GAN: variants seen among roughly 807,000 people sequenced by gnomAD.
GAN encodes epididymis secretory sperm binding protein.
In GAN, 48 loss-of-function variants were observed where a neutral mutation model predicts 71.3. That is an observed-to-expected ratio of 0.67 (90% CI 0.53 to 0.86). GAN has a LOEUF of 0.86. GAN is among the 40% of genes least tolerant of loss of function. The pLI is 0.00. For synonymous variants in GAN, 386 were observed against 276.8 expected (o/e 1.39, Z -3.92); for missense variants, 928 against 770.1 (o/e 1.21, Z -2.43).
In GAN at chr16:81,354,655, T is replaced by G; in HGVS notation, c.533T>G (p.Leu178Arg). ...TTCTTAGAGCTGAGTCCTCAAAAGC[T>G]TAAAGAAGTGATTTCTCTTGAGAAG... ...EEFLELSPQK[L>R]KEVISLEKLN... Residue 178 changes from leucine (L) to arginine (R), a missense_variant, in exon 3 of 11, where the codon CTT becomes CGT. Coordinates refer to ENST00000648994, the MANE Select transcript of GAN (RefSeq NM_022041.4). 4 of 1,613,762 alleles carry G rather than the reference T, an allele frequency of 2.5e-6. No individual in the cohort carries two copies. Among genetic ancestry groups the G allele is most frequent in the Non-Finnish European group, 1.7e-6 (2 of 1,179,628 alleles).
intron 1 of GAN, among the ~76,000 whole-genome samples, chr16:81,324,717 G>C (rs1187533599): frequency 2.0e-5 from 3 of 152,198 alleles, no homozygotes; most frequent in African/African-American, 7.2e-5. Context: ...GCAATTGATG[G>C]CATAGTTGAG....
chr16:81,370,196 G>C (rs1023827339), intron 9 of GAN, among the ~76,000 whole-genome samples: 4 of 152,172 alleles, frequency 2.6e-5, no homozygotes, highest in African/African-American at 7.2e-5. Context: ...TAATCATCAT[G>C]ATGTTCCACA....
rs1399584443 is a variant in GAN at position 81,385,067 on chromosome 16, T to G, written c.*7471T>G. On this transcript the variant is annotated 3_prime_UTR_variant, in exon 11 of 11. Transcript: ENST00000648994. ...TAAGCACCAGGTAAAATCTGGTGCTTAAGTTGTACCAAGTATAGCCAAGTT... is the reference window on the plus strand; with the variant it reads ...TAAGCACCAGGTAAAATCTGGTGCTGAAGTTGTACCAAGTATAGCCAAGTT... 6.5e-6 allele frequency: 1 copy of G among 154,210 alleles called. No homozygotes were observed. Among genetic ancestry groups the G allele is most frequent in the African/African-American group, 2.4e-5 (1 of 41,514 alleles). 9.6% of individuals were successfully genotyped at this position (154,210 alleles called of 1,614,324 possible).
intron 9 of GAN, among the ~76,000 whole-genome samples, chr16:81,376,090 A>G (rs115582450): frequency 6.6e-6 from 1 of 152,114 alleles, no homozygotes; most frequent in African/African-American, 2.4e-5. Flanking sequence ...AAAATATAAT[A>G]CTCAGATCTC....
At chr16:81,356,090 G>C (rs1448023854) in intron 3 of GAN, among the ~76,000 whole-genome samples, 2 of 152,188 alleles carry the variant, frequency 1.3e-5, no homozygotes, top group Non-Finnish European at 2.9e-5. Flanking sequence ...GCTTAAGGTT[G>C]GCTGGTTGCT....
At position 81,387,050 on chromosome 16, in the gene GAN, A is replaced by G. The variant is rs1255201839; in HGVS notation, c.*9454A>G. 3 of 152,250 alleles carry G rather than the reference A, an allele frequency of 2.0e-5. No homozygotes were observed. Among genetic ancestry groups the G allele is most frequent in the Non-Finnish European group, 4.4e-5 (3 of 68,040 alleles). 9.4% of individuals were successfully genotyped at this position (152,250 alleles called of 1,614,324 possible). A position where few individuals can be genotyped will look rare whatever the true frequency, so the allele number is the denominator to read the frequency against. ...GTGTTGGCAAGAACGGATCTTTGGC[A>G]AGATCACTTAAGGTGAGCTACTCTA... On this transcript the variant is annotated 3_prime_UTR_variant, in exon 11 of 11. Coordinates refer to ENST00000648994, the MANE Select transcript of GAN (RefSeq NM_022041.4).
At chr16:81,329,744 T>C (rs1013915653) in intron 1 of GAN, among the ~76,000 whole-genome samples, 2 of 152,122 alleles carry the variant, frequency 1.3e-5, no homozygotes, top group Admixed American at 1.3e-4. Context: ...TTTTTCTGGC[T>C]CTCCTCCCCA....
Position 81,362,829 on chromosome 16 carries a change from A to G in GAN, c.1086+218A>G, listed in dbSNP as rs1910722067. On this transcript the variant is annotated intron_variant, in intron 6 of 10. Coordinates refer to ENST00000648994, the MANE Select transcript of GAN (RefSeq NM_022041.4). ...TCTGAAATCTTCCAGGAATGCCCTC[A>G]CCCCAGCCTTCACATTTATCCTGCC... 2.0e-5 allele frequency among the ~76,000 whole-genome samples: 3 copies of G among 151,898 alleles called. No homozygotes were observed. In the South Asian group the frequency reaches 6.2e-4, roughly 32 times the overall value.
rs1413949578 is a variant in GAN, at chr16:81,315,050, G to T, written c.-64G>T. 7.6e-7 allele frequency: 1 copy of T among 1,312,470 alleles called. No individual in the cohort carries two copies. The highest frequency in any genetic ancestry group is 9.9e-7 in the Non-Finnish European group (1 of 1,013,298). 81.3% of individuals were successfully genotyped at this position (1,312,470 alleles called of 1,614,324 possible). ...CGGGCGCGCGCGCAGGACTCGGGCCGCTCGAGGGGTCCGGCCGGACGGTGT... is the reference window on the plus strand; with the variant it reads ...CGGGCGCGCGCGCAGGACTCGGGCCTCTCGAGGGGTCCGGCCGGACGGTGT... On this transcript the variant is annotated 5_prime_UTR_variant, in exon 1 of 11. Coordinates refer to ENST00000648994, the MANE Select transcript of GAN (RefSeq NM_022041.4).
intron 1 of GAN, among the ~76,000 whole-genome samples, chr16:81,327,619 A>C (rs1166966577): frequency 6.7e-6 from 1 of 150,164 alleles, no homozygotes; most frequent in Non-Finnish European, 1.5e-5. Flanking sequence ...AAGGCATAAA[A>C]TCTTCCTTGT....
chr16:81,339,822 TGGG>T (rs1909882866), intron 1 of GAN, among the ~76,000 whole-genome samples: 1 of 151,978 alleles, frequency 6.6e-6, no homozygotes, highest in Non-Finnish European at 1.5e-5. Context: ...CAAATGGTAT[TGGG>T]GGAGGTTAAG....
rs960774760 is a variant in GAN, at chr16:81,378,500, A to G, written c.*904A>G. On this transcript the variant is annotated 3_prime_UTR_variant, in exon 11 of 11. Coordinates refer to ENST00000648994, the MANE Select transcript of GAN (RefSeq NM_022041.4). ...AATAAAGGTCTGCTGTGGCTAAAAAAGCAAAAACAAAAAAGCTATCCAGAC... is the reference window on the plus strand; with the variant it reads ...AATAAAGGTCTGCTGTGGCTAAAAAGGCAAAAACAAAAAAGCTATCCAGAC... 4 of 152,258 alleles carry G rather than the reference A, an allele frequency of 2.6e-5. No homozygotes were observed. Among genetic ancestry groups the G allele is most frequent in the Non-Finnish European group, 5.9e-5 (4 of 68,048 alleles). The allele number at this position is 152,258 out of a possible 1,614,324, so 9.4% of individuals were successfully genotyped here.
intron 3 of GAN, among the ~76,000 whole-genome samples, 199 bp from the exon 4 acceptor site, chr16:81,356,586 A>G (rs1193142175): frequency 6.6e-6 from 1 of 152,186 alleles, no homozygotes; most frequent in African/African-American, 2.4e-5. Context: ...TAAAAATTAA[A>G]CTTTTACTTA....
At chr16:81,335,765 A>AT (rs1379917690) in intron 1 of GAN, among the ~76,000 whole-genome samples, 1 of 151,820 alleles carries the variant, frequency 6.6e-6, no homozygotes, top group African/African-American at 2.4e-5. Flanking sequence ...AAAAAAAAAA[A>AT]ATCCATTCAA....
At chr16:81,329,447 T>C (rs2150671092) in intron 1 of GAN, among the ~76,000 whole-genome samples, 1 of 152,320 alleles carries the variant, frequency 6.6e-6, no homozygotes, top group East Asian at 1.9e-4. Context: ...GTGCATAATT[T>C]CCCTGACCTT....
chr16:81,326,529 G>T (rs1327461676), intron 1 of GAN, among the ~76,000 whole-genome samples: 1 of 151,880 alleles, frequency 6.6e-6, no homozygotes, highest in Non-Finnish European at 1.5e-5. Flanking sequence ...GTGAAACTCC[G>T]TCTCAAAAAA....
intron 7 of GAN, among the ~76,000 whole-genome samples, chr16:81,364,358 C>T (rs1315186789): frequency 2.0e-5 from 3 of 152,292 alleles, no homozygotes; most frequent in African/African-American, 7.2e-5. Flanking sequence ...CAACCTCTTT[C>T]TGCCTCAAGC....
chr16:81,335,931 G>A (rs1211254097), intron 1 of GAN, among the ~76,000 whole-genome samples: 1 of 152,100 alleles, frequency 6.6e-6, no homozygotes, highest in African/African-American at 2.4e-5. Context: ...GTGAGAGGAG[G>A]TGGGTGCCCC....
chr16:81,346,949 T>C (rs1481677603), intron 1 of GAN, among the ~76,000 whole-genome samples: 1 of 152,182 alleles, frequency 6.6e-6, no homozygotes, highest in Non-Finnish European at 1.5e-5. Flanking sequence ...CAGATCCATT[T>C]TTCCAAAGCA....
Sources: gnomAD v4.1 joint callset for allele counts (sites outside exome capture counted in the v4.1 genomes callset) on GRCh38, gnomAD v4.1.1 for gene constraint, MANE v1.5 for transcripts, NCBI Gene and HGNC (gene_info 2026-07-23, HGNC 2026-07-21) for gene names.